Variants in WDR86 observed in about 807,000 individuals in gnomAD.
The protein encoded by WDR86 is WD repeat domain 86, also known as WD repeat-containing protein 86.
WDR86 carries 30 observed loss-of-function variants against 36.5 expected under a neutral mutation model. The observed-to-expected ratio is 0.82, with a 90% CI of 0.61 to 1.11. WDR86 has a LOEUF of 1.11. WDR86 is among the 50% of genes most tolerant of loss of function. The probability of loss-of-function intolerance (pLI) is 0.00; values close to 1 mark genes in which losing one functional copy is unlikely to be tolerated. For synonymous variants in WDR86, 255 were observed against 252.9 expected (o/e 1.01, Z -0.08); for missense variants, 545 against 561.2 (o/e 0.97, Z 0.29).
At chr7:151,389,118 CTTTTT>C (rs34882878) in intron 3 of WDR86, among the ~76,000 whole-genome samples, 2 of 125,574 alleles carry the variant, frequency 1.6e-5, no homozygotes, top group East Asian at 2.2e-4. Flanking sequence ...CTTTTCTTTC[CTTTTT>C]TTTTTTTTTT....
intron 3 of WDR86, among the ~76,000 whole-genome samples, chr7:151,391,275 C>CA (rs1799419074): frequency 6.6e-6 from 1 of 152,266 alleles, no homozygotes; most frequent in Non-Finnish European, 1.5e-5. Context: ...CGGATCTGCT[C>CA]ATGAGGCTCC....
At position 151,390,800 on chromosome 7, in the gene WDR86, G is replaced by T. The variant is rs567949330; in HGVS notation, c.726+4976C>A. On this transcript the variant is annotated intron_variant, in intron 3 of 5. Coordinates refer to ENST00000334493, the MANE Select transcript of WDR86 (RefSeq NM_198285.3). This position sits in a 1 kb window ranked among gnomAD's most constrained non-coding sequence, Gnocchi z 4.5. ...GAAATAAGCCAGACAGGAAAGGACA[G>T]ATCCTGCACGACTCCACTCATGTGA... Among the ~76,000 whole-genome samples the T allele has an allele frequency of 2.0e-4, 30 of 152,350 alleles. No individual in the cohort carries two copies. The highest frequency in any genetic ancestry group is 2.6e-4 in the Admixed American group (4 of 15,310).
At position 151,406,711 on chromosome 7, in the gene WDR86, G is replaced by GCACC. The variant is rs1800731233; in HGVS notation, c.163+2712_163+2715dup. On this transcript the variant is annotated intron_variant, in intron 1 of 5. Transcript: ENST00000334493. The surrounding 1 kb of genome is among the most constrained non-coding windows in gnomAD (Gnocchi z 4.4). Reference sequence around the variant, plus strand: ...CACGCCTCGAGGGATGTTGGCGACAGCACCCACCCCATTATCGATGGTATC... The same window carrying GCACC: ...CACGCCTCGAGGGATGTTGGCGACAGCACCCACCCACCCCATTATCGATGGTATC... Among the ~76,000 whole-genome samples, 1 of 152,142 alleles carries GCACC rather than the reference G, an allele frequency of 6.6e-6. No homozygotes were observed. Among genetic ancestry groups the GCACC allele is most frequent in the Non-Finnish European group, 1.5e-5 (1 of 68,026 alleles).
At chr7:151,374,339 C>T, downstream of WDR86, 1 of 1,421,024 alleles carries the variant, frequency 7.0e-7, no homozygotes, top group Non-Finnish European at 9.6e-7. Context: ...CGGGCTCACT[C>T]CTATGGGCTG....
downstream of WDR86, among the ~76,000 whole-genome samples, chr7:151,378,760 G>C (rs1473980101): frequency 6.6e-6 from 1 of 152,214 alleles, no homozygotes; most frequent in African/African-American, 2.4e-5. Context: ...CTTGGATTTG[G>C]GGCCTGAATT....
chr7:151,389,876 T>C (rs902166031), intron 3 of WDR86, among the ~76,000 whole-genome samples: 1 of 152,174 alleles, frequency 6.6e-6, no homozygotes, highest in Non-Finnish European at 1.5e-5. Context: ...CAATCTTAGA[T>C]AGCAATGGTG....
chr7:151,380,505 A>G (rs562587466), downstream of WDR86, among the ~76,000 whole-genome samples: 79 of 152,156 alleles, frequency 5.2e-4, no homozygotes, highest in Non-Finnish European at 9.9e-4. Context: ...AGACACTGTC[A>G]CCTGCAGCTT....
chr7:151,380,039 G>C (rs533621044), downstream of WDR86, among the ~76,000 whole-genome samples: 1 of 152,214 alleles, frequency 6.6e-6, no homozygotes, highest in African/African-American at 2.4e-5. Context: ...CAATGGCTCC[G>C]GGACGCAGCA....
intron 1 of WDR86, chr7:151,408,981 T>A: frequency 2.1e-6 from 1 of 475,456 alleles, no homozygotes; most frequent in South Asian, 1.5e-5. Flanking sequence ...AAGCGTCTAC[T>A]GTTGCTGTGA....
chr7:151,385,712 C>A (rs750538364), intron 3 of WDR86, among the ~76,000 whole-genome samples: 1 of 152,122 alleles, frequency 6.6e-6, no homozygotes, highest in African/African-American at 2.4e-5. Flanking sequence ...GGGACTGTCA[C>A]GGGGTCACTG....
intron 1 of WDR86, among the ~76,000 whole-genome samples, chr7:151,404,018 G>A (rs1800528889): frequency 6.6e-6 from 1 of 152,202 alleles, no homozygotes; most frequent in Non-Finnish European, 1.5e-5. Flanking sequence ...GCCAAGAAAA[G>A]CACTTAAAAG....
At chr7:151,389,536 C>G (rs11769160) in intron 3 of WDR86, among the ~76,000 whole-genome samples, 1 of 151,984 alleles carries the variant, frequency 6.6e-6, no homozygotes, top group Non-Finnish European at 1.5e-5. Context: ...CAAGCACACA[C>G]GCTTCTTCGG....
At chr7:151,394,093 G>C (rs1316961219) in intron 3 of WDR86, among the ~76,000 whole-genome samples, 2 of 152,218 alleles carry the variant, frequency 1.3e-5, no homozygotes, top group African/African-American at 2.4e-5. Context: ...GACCCTGTGA[G>C]ATGGGCCCGG....
rs961688725 is a variant in WDR86, at chr7:151,401,788, G to A, written c.164-1547C>T. On this transcript the variant is annotated intron_variant, in intron 1 of 5. Transcript: ENST00000334493. This position sits in a 1 kb window ranked among gnomAD's most constrained non-coding sequence, Gnocchi z 4.3. ...CAAGTGGCCAGGCGCGGTGGCTCAC[G>A]CCTGTAATTCCAGCACTTTGGGAGG... is the stretch of plus-strand genomic sequence containing the variant. 4.6e-5 allele frequency among the ~76,000 whole-genome samples: 7 copies of A among 151,890 alleles called. No individual in the cohort carries two copies. The highest frequency in any genetic ancestry group is 2.0e-4 in the Admixed American group (3 of 15,240).
intron 3 of WDR86, among the ~76,000 whole-genome samples, chr7:151,387,041 T>C (rs1367827195): frequency 6.6e-6 from 1 of 152,184 alleles, no homozygotes; most frequent in Non-Finnish European, 1.5e-5. Context: ...AGCGCAGCGT[T>C]TCCTGGCCAT....
intron 1 of WDR86, among the ~76,000 whole-genome samples, chr7:151,403,871 A>G (rs989797162): frequency 2.0e-5 from 3 of 152,206 alleles, no homozygotes; most frequent in African/African-American, 7.2e-5. Flanking sequence ...CAAGATGGAA[A>G]GGTAATCAAG....
chr7:151,382,473 A>G (rs1798673848), intron 4 of WDR86, among the ~76,000 whole-genome samples: 6 of 152,232 alleles, frequency 3.9e-5, no homozygotes, highest in Admixed American at 3.3e-4. Context: ...CTCCTCCCCC[A>G]GGTGGCTGCC....
At position 151,408,921 on chromosome 7, in the gene WDR86, G is replaced by A. The variant is rs1327631199; in HGVS notation, c.163+506C>T. The A allele has an allele frequency of 8.5e-6, 4 of 471,580 alleles. No individual in the cohort carries two copies. The East Asian group carries it at 2.8e-4, about 33-fold the overall frequency. The allele number at this position is 471,580 out of a possible 1,614,324, so 29.2% of individuals were successfully genotyped here. A position where few individuals can be genotyped will look rare whatever the true frequency, so the allele number is the denominator to read the frequency against. ...AGCCTGTTTCCACGTCTGTATGTGGGGTAACATAGTGTGACGACGGCACAC... is the reference window on the plus strand; with the variant it reads ...AGCCTGTTTCCACGTCTGTATGTGGAGTAACATAGTGTGACGACGGCACAC... On this transcript the variant is annotated intron_variant, in intron 1 of 5. Coordinates refer to ENST00000334493, the MANE Select transcript of WDR86 (RefSeq NM_198285.3).
chr7:151,401,915 G>C lies in WDR86; in HGVS notation c.164-1674C>G, dbSNP rs1042762390. Among the ~76,000 whole-genome samples the C allele has an allele frequency of 6.6e-6, 1 of 150,688 alleles. No homozygotes were observed. ...ATACAAAAAATTAGCCGGGCGTGGT[G>C]GTGGGCGCCTGTAATCCCAGCTACT... On this transcript the variant is annotated intron_variant, in intron 1 of 5. Transcript: ENST00000334493. The surrounding 1 kb of genome is among the most constrained non-coding windows in gnomAD (Gnocchi z 4.3).
Sources: gnomAD v4.1 joint callset for allele counts (sites outside exome capture counted in the v4.1 genomes callset) on GRCh38, gnomAD v4.1.1 for gene constraint, Gnocchi (gnomAD v3.1) non-coding constraint, MANE v1.5 for transcripts, NCBI Gene and HGNC (gene_info 2026-07-23, HGNC 2026-07-21) for gene names.